Variants in BRINP3 observed in about 807,000 individuals in gnomAD.
BRINP3 encodes the protein BMP/retinoic acid inducible neural specific 3.
A neutral mutation model predicts 71.0 loss-of-function variants in BRINP3; 19 were observed. That is an observed-to-expected ratio of 0.27 (90% CI 0.19 to 0.39). The LOEUF is 0.39. BRINP3 is among the 10% of genes least tolerant of loss of function. The pLI, the probability that BRINP3 is intolerant of heterozygous loss-of-function variation, is 1.00. For missense variants in BRINP3, 959 were observed against 940.8 expected, an observed-to-expected ratio of 1.02 and a Z score of -0.25; for synonymous variants, 380 against 337.7, an observed-to-expected ratio of 1.13 and a Z score of -1.37.
At chr1:190,167,179 G>A (rs1651631011) in intron 6 of BRINP3, among the ~76,000 whole-genome samples, 1 of 152,066 alleles carries the variant, frequency 6.6e-6, no homozygotes, top group African/African-American at 2.4e-5. Flanking sequence ...AAGTGAGCTA[G>A]AGCCTGTTTG....
At chr1:190,186,548 A>G (rs1653545063) in intron 6 of BRINP3, among the ~76,000 whole-genome samples, 2 of 152,324 alleles carry the variant, frequency 1.3e-5, no homozygotes, top group Non-Finnish European at 2.9e-5. Context: ...CAAAAGGTCA[A>G]TAAACATAAA....
chr1:190,146,770 C>A (rs563951922), intron 7 of BRINP3, among the ~76,000 whole-genome samples: 24 of 151,960 alleles, frequency 1.6e-4, no homozygotes, highest in Admixed American at 3.3e-4. Flanking sequence ...CATTATCCCT[C>A]TTTTAAAATA....
At position 190,392,401 on chromosome 1, in the gene BRINP3, T is replaced by C. The variant is rs141817787; in HGVS notation, c.236+62254A>G. On this transcript the variant is annotated intron_variant, in intron 2 of 7. Coordinates refer to ENST00000367462, the MANE Select transcript of BRINP3 (RefSeq NM_199051.3). The stretch of plus-strand genomic sequence containing the variant: ...TGTAGATAATATTACTACTTCTACT[T>C]TACTGATGAAAGAAAAAACCCTGAG... Among the ~76,000 whole-genome samples, 943 of 151,644 alleles carry C rather than the reference T, an allele frequency of 6.2e-3. 9 individuals are homozygous for C. The highest frequency in any genetic ancestry group is 0.021 in the African/African-American group (869 of 41,454).
chr1:190,449,055 T>G (rs13375855), intron 2 of BRINP3, among the ~76,000 whole-genome samples: 6,360 of 152,080 alleles, frequency 0.042, 170 homozygotes, highest in African/African-American at 0.071. Flanking sequence ...TCATCGGAGT[T>G]TATAAACCTG....
chr1:190,239,555 C>T (rs1251568434), intron 4 of BRINP3, among the ~76,000 whole-genome samples: 3 of 152,000 alleles, frequency 2.0e-5, no homozygotes, highest in Admixed American at 6.6e-5. Flanking sequence ...CTAGAAATAT[C>T]CTATTTTTTA....
At chr1:190,333,721 T>C (rs1667110332) in intron 2 of BRINP3, among the ~76,000 whole-genome samples, 1 of 151,962 alleles carries the variant, frequency 6.6e-6, no homozygotes, top group African/African-American at 2.4e-5. Context: ...ACAACATCCA[T>C]ACTAATTGAT....
intron 2 of BRINP3, among the ~76,000 whole-genome samples, chr1:190,429,757 A>G (rs897415872): frequency 6.6e-5 from 10 of 151,754 alleles, no homozygotes; most frequent in Non-Finnish European, 1.3e-4. Flanking sequence ...TGCTTGGCTG[A>G]TTTTTGTATT....
intron 7 of BRINP3, among the ~76,000 whole-genome samples, chr1:190,155,197 C>T (rs771597391): frequency 4.0e-5 from 6 of 151,140 alleles, no homozygotes; most frequent in Non-Finnish European, 8.8e-5. Flanking sequence ...AATAGGTAGA[C>T]TTCAACTCAT....
At position 190,401,376 on chromosome 1, in the gene BRINP3, C is replaced by CAA. The variant is rs762938571; in HGVS notation, c.236+53277_236+53278dup. Among the ~76,000 whole-genome samples, 777 of 89,302 alleles carry CAA rather than the reference C, an allele frequency of 8.7e-3. 16 individuals carry two copies. Among genetic ancestry groups the CAA allele is most frequent in the East Asian group, 0.018 (52 of 2,902 alleles). 58.6% of individuals were successfully genotyped at this position (89,302 alleles called of 152,430 possible). The stretch of plus-strand genomic sequence containing the variant: ...CCAGGCACCAGTCCCCATCTCAAAA[C>CAA]AAAAAAAAAAAAAAAAAAAAAGGAA... On this transcript the variant is annotated intron_variant, in intron 2 of 7. Transcript: ENST00000367462.
intron 4 of BRINP3, among the ~76,000 whole-genome samples, chr1:190,240,754 C>G (rs921057155): frequency 6.6e-6 from 1 of 151,430 alleles, no homozygotes; most frequent in Admixed American, 6.6e-5. Context: ...TGCCTGTAAT[C>G]CCAGCTACTC....
intron 2 of BRINP3, among the ~76,000 whole-genome samples, chr1:190,382,321 T>G (rs183085122): frequency 6.6e-6 from 1 of 152,288 alleles, no homozygotes; most frequent in East Asian, 1.9e-4. Context: ...GGATTTACAT[T>G]CCTCTCCTAA....
chr1:190,275,902 T>C (rs10920682), intron 3 of BRINP3, among the ~76,000 whole-genome samples: 2,726 of 151,536 alleles, frequency 0.018, 79 homozygotes, highest in African/African-American at 0.062. Context: ...AGATTAACAA[T>C]ATTGCTTTAA....
Position 190,098,846 on chromosome 1 carries a change from G to T in BRINP3, c.1473C>A (p.Asp491Glu). The T allele has an allele frequency of 6.2e-7, 1 of 1,614,188 alleles. No individual in the cohort carries two copies. Among genetic ancestry groups the T allele is most frequent in the African/African-American group, 1.3e-5 (1 of 75,046 alleles). ...STDHYIGFET[D>E]LQDLEMKYLL... is the part of the protein sequence containing the mutation. ...GATATTTCATCTCGAGATCTTGCAGGTCAGTTTCAAAGCCAATATAGTGAT... is the reference window on the plus strand; with the variant it reads ...GATATTTCATCTCGAGATCTTGCAGTTCAGTTTCAAAGCCAATATAGTGAT... Residue 491 changes from aspartate (D) to glutamate (E), a missense_variant, in exon 8 of 8, where the codon GAC becomes GAA. Asp to Glu is a conservative substitution (Grantham distance 45). Transcript: ENST00000367462.
intron 7 of BRINP3, among the ~76,000 whole-genome samples, chr1:190,148,522 G>A (rs1397323826): frequency 6.6e-6 from 1 of 151,586 alleles, no homozygotes; most frequent in Non-Finnish European, 1.5e-5. Context: ...TGTGAACCTG[G>A]GAAGTGGAGC....
At chr1:190,171,764 T>C (rs1652029372) in intron 6 of BRINP3, among the ~76,000 whole-genome samples, 1 of 152,156 alleles carries the variant, frequency 6.6e-6, no homozygotes, top group Non-Finnish European at 1.5e-5. Context: ...ATGGGAAACC[T>C]GTCAGTTATT....
chr1:190,344,533 C>A (rs894592847), intron 2 of BRINP3, among the ~76,000 whole-genome samples: 2 of 151,856 alleles, frequency 1.3e-5, no homozygotes, highest in African/African-American at 4.8e-5. Flanking sequence ...CTCAGTATAG[C>A]TCTGAATCAT....
At chr1:190,244,423 A>T (rs1249675768) in intron 4 of BRINP3, among the ~76,000 whole-genome samples, 2 of 152,130 alleles carry the variant, frequency 1.3e-5, no homozygotes, top group Non-Finnish European at 2.9e-5. Context: ...AGTCAAGCAA[A>T]CTGCAAGCTG....
chr1:190,473,624 A>G (rs1677296082), intron 1 of BRINP3, among the ~76,000 whole-genome samples: 1 of 151,244 alleles, frequency 6.6e-6, no homozygotes, highest in Non-Finnish European at 1.5e-5. Flanking sequence ...AATATCAATA[A>G]TAATAACAAA....
intron 2 of BRINP3, among the ~76,000 whole-genome samples, chr1:190,325,726 C>T (rs1321242745): frequency 6.6e-6 from 1 of 152,104 alleles, no homozygotes; most frequent in Non-Finnish European, 1.5e-5. Flanking sequence ...AACAATAACA[C>T]TTCATATGCT....
Sources: gnomAD v4.1 joint callset for allele counts (sites outside exome capture counted in the v4.1 genomes callset) on GRCh38, gnomAD v4.1.1 for gene constraint, MANE v1.5 for transcripts, NCBI Gene and HGNC (gene_info 2026-07-23, HGNC 2026-07-21) for gene names.